Variants in SECISBP2 observed in about 807,000 individuals in gnomAD.
SECISBP2 encodes the protein SECIS binding protein 2.
SECISBP2 carries 96 observed loss-of-function variants against 98.2 expected under a neutral mutation model. That is an observed-to-expected ratio of 0.98 (90% CI 0.83 to 1.16). SECISBP2 has a LOEUF of 1.16. Among genes scored for constraint, SECISBP2 ranks in the 50% most tolerant of loss-of-function variants. The pLI is 0.00. For missense variants in SECISBP2, 1,046 were observed against 1,022.9 expected, an observed-to-expected ratio of 1.02 and a Z score of -0.31; for synonymous variants, 407 against 370.2, an observed-to-expected ratio of 1.10 and a Z score of -1.14.
At position 89,349,853 on chromosome 9, in the gene SECISBP2, C is replaced by T. The variant is rs767332940; in HGVS notation, c.1816C>T (p.Gln606Ter). ...TGAAGAGCCACCAGGCACAGAGCTC[C>T]AGAGGGACACAGAGGCCTCCCACCT... ...KSEEPPGTEL[Q>*]RDTEASHLAP... Residue 606 changes from glutamine to a stop codon, truncating the protein, a stop_gained, in exon 13 of 17, where the codon CAG becomes TAG. Transcript: ENST00000375807. LOFTEE classifies it high-confidence loss of function. The T allele has an allele frequency of 6.2e-7, 1 of 1,614,222 alleles. No homozygotes were observed. The highest frequency in any genetic ancestry group is 1.1e-5 in the South Asian group (1 of 91,078).
rs770595035 is a variant in SECISBP2 at position 89,334,625 on chromosome 9, T to C, written c.984T>C (p.Ile328=). 3.1e-6 allele frequency: 5 copies of C among 1,613,928 alleles called. No homozygotes were observed. The Admixed American group carries it at 8.3e-5, about 27-fold the overall frequency. ...NVTSMINLKT[I]ASSADPKNVS... is the part of the protein sequence containing the mutation. ...CTTCTATGATAAACTTAAAGACCATTGCTTCATCAGCAGATCCTAAAAATG... is the reference window on the plus strand; with the variant it reads ...CTTCTATGATAAACTTAAAGACCATCGCTTCATCAGCAGATCCTAAAAATG... Residue 328 remains isoleucine, a synonymous_variant, in exon 7 of 17, where the codon ATT becomes ATC. Coordinates refer to ENST00000375807, the MANE Select transcript of SECISBP2 (RefSeq NM_024077.5).
rs151326163 is a variant in SECISBP2 at position 89,359,158 on chromosome 9, A to T, written c.*334A>T. On this transcript the variant is annotated 3_prime_UTR_variant, in exon 17 of 17. Transcript: ENST00000375807. Reference sequence around the variant, plus strand: ...GGAAACTTCCTCTCCATTGCAGAATAGCTGAGCCAAGTGAGTGAGTTTGCA... The same window carrying T: ...GGAAACTTCCTCTCCATTGCAGAATTGCTGAGCCAAGTGAGTGAGTTTGCA... 8.3e-5 allele frequency: 29 copies of T among 348,542 alleles called. No homozygotes were observed. The East Asian group carries it at 2.2e-3, about 26-fold the overall frequency. 21.6% of individuals were successfully genotyped at this position (348,542 alleles called of 1,614,324 possible).
rs1826516096 is a variant in SECISBP2, at chr9:89,325,408, G to C, written c.183-19G>C. 20 of 1,612,876 alleles carry C rather than the reference G, an allele frequency of 1.2e-5. No homozygotes were observed. Among genetic ancestry groups the C allele is most frequent in the Non-Finnish European group, 1.6e-5 (19 of 1,179,540 alleles). On this transcript the variant is annotated intron_variant, in intron 2 of 16. Coordinates refer to ENST00000375807, the MANE Select transcript of SECISBP2 (RefSeq NM_024077.5). ...TTGCAGTATGAAATCTGCAACTAAA[G>C]TTTACACTTTTTACTTAGGCAGAAA...
intron 10 of SECISBP2, among the ~76,000 whole-genome samples, chr9:89,342,942 A>AT: frequency 6.6e-6 from 1 of 152,374 alleles, no homozygotes; most frequent in African/African-American, 2.4e-5. Context: ...CAATTAAAAC[A>AT]TTTTTAAGTT....
intron 14 of SECISBP2, among the ~76,000 whole-genome samples, chr9:89,353,913 G>A (rs1831668107): frequency 6.6e-6 from 1 of 152,162 alleles, no homozygotes; most frequent in African/African-American, 2.4e-5. Context: ...AGGCATAAGG[G>A]ACTTGATTGT....
chr9:89,325,122 C>G (rs1773906683), intron 2 of SECISBP2: 1 of 384,032 alleles, frequency 2.6e-6, no homozygotes, highest in Non-Finnish European at 4.8e-6. Context: ...GCCAGGGTTG[C>G]TGGGAGAGGC....
intron 2 of SECISBP2, 120 bp from the exon 3 acceptor site, chr9:89,325,307 C>G (rs1826501463): frequency 1.1e-6 from 1 of 885,336 alleles, no homozygotes; most frequent in African/African-American, 1.7e-5. Flanking sequence ...AGGGATTATT[C>G]CAGTGCTAGA....
chr9:89,325,596 T>A lies in SECISBP2; in HGVS notation c.352T>A (p.Cys118Ser). Residue 118 changes from cysteine (C) to serine (S), a missense_variant, in exon 3 of 17, where the codon TGT becomes AGT. Physicochemically the swap from Cys to Ser is moderately radical, Grantham distance 112. Coordinates refer to ENST00000375807, the MANE Select transcript of SECISBP2 (RefSeq NM_024077.5). The part of the protein sequence containing the change: ...GSQYLYNQPS[C>S]YRGFQTVKHR... ...CCAGTATCTTTATAACCAACCCAGT[T>A]GTTACCGAGGTTTTCAAACAGTGAA... 3 of 1,614,160 alleles carry A rather than the reference T, an allele frequency of 1.9e-6. No individual in the cohort carries two copies. The highest frequency in any genetic ancestry group is 2.2e-5 in the South Asian group (2 of 91,086).
At chr9:89,362,359 CTTG>C (rs777001255), downstream of SECISBP2, 1 of 1,613,890 alleles carries the variant, frequency 6.2e-7, no homozygotes, top group African/African-American at 1.3e-5. Flanking sequence ...GCAGCAGGGT[CTTG>C]TTGGGGTTGA....
the SECISBP2 span, chr9:89,367,004 C>T: frequency 2.0e-5 from 3 of 152,414 alleles, no homozygotes; most frequent in Admixed American, 1.3e-4. Flanking sequence ...AAGCTCTACA[C>T]TCTTGGGGTG....
intron 7 of SECISBP2, among the ~76,000 whole-genome samples, chr9:89,336,862 C>A (rs1186269854): frequency 6.7e-6 from 1 of 149,454 alleles, no homozygotes; most frequent in African/African-American, 2.5e-5. Context: ...ACCTCCGCCT[C>A]CTGGGTTCAA....
intron 2 of SECISBP2, among the ~76,000 whole-genome samples, chr9:89,321,512 C>T (rs549904070): frequency 3.2e-4 from 48 of 151,620 alleles, no homozygotes; most frequent in African/African-American, 9.2e-4. Context: ...TACAGAAATA[C>T]AAAAATTAGC....
intron 9 of SECISBP2, among the ~76,000 whole-genome samples, chr9:89,340,284 C>T (rs542041833): frequency 3.5e-4 from 53 of 152,084 alleles, no homozygotes; most frequent in African/African-American, 1.2e-3. Context: ...ATTTGGGAAA[C>T]GGAAGAATTT....
chr9:89,321,801 T>A (rs922007668), intron 2 of SECISBP2, among the ~76,000 whole-genome samples: 1 of 152,206 alleles, frequency 6.6e-6, no homozygotes, highest in Non-Finnish European at 1.5e-5. Flanking sequence ...AAGGAAAAGA[T>A]CCTTTAAAGT....
intron 7 of SECISBP2, among the ~76,000 whole-genome samples, chr9:89,336,081 C>CTTTTTTTT (rs59799418): frequency 0.032 from 1,049 of 33,058 alleles, 212 homozygotes; most frequent in Admixed American, 0.045. Flanking sequence ...ATTTTAAGTG[C>CTTTTTTTT]TTTTTTTTTT....
intron 1 of SECISBP2, chr9:89,318,832 G>GCGTCCC: frequency 7.9e-7 from 1 of 1,273,542 alleles, no homozygotes; most frequent in Non-Finnish European, 9.9e-7. Flanking sequence ...AGTTAGCGCC[G>GCGTCCC]CGTCTGTGGT....
In SECISBP2 at chr9:89,359,631, G is replaced by GTAAT. The variant is rs1416256564; in HGVS notation, c.*810_*813dup. 2 of 152,072 alleles carry GTAAT rather than the reference G, an allele frequency of 1.3e-5. No homozygotes were observed. Among genetic ancestry groups the GTAAT allele is most frequent in the Non-Finnish European group, 2.9e-5 (2 of 68,020 alleles). 9.4% of individuals were successfully genotyped at this position (152,072 alleles called of 1,614,324 possible). ...AGGGCTTATTTATTTTAAATAAAGA[G>GTAAT]TAATTATTAAATTTTGTTTCAGACT... On this transcript the variant is annotated 3_prime_UTR_variant, in exon 17 of 17. Coordinates refer to ENST00000375807, the MANE Select transcript of SECISBP2 (RefSeq NM_024077.5).
At position 89,347,838 on chromosome 9, in the gene SECISBP2, T is replaced by G. The variant is rs541594942; in HGVS notation, c.1603-241T>G. 1.6e-3 allele frequency among the ~76,000 whole-genome samples: 243 copies of G among 152,224 alleles called. 1 individual carries two copies. Among genetic ancestry groups the G allele is most frequent in the African/African-American group, 5.7e-3 (236 of 41,510 alleles). Reference sequence around the variant, plus strand: ...TCAGGCAAGTGCTGAGCTGCAGAATTGTCTTTAGAGCTCAGGGCTCTCCCC... The same window carrying G: ...TCAGGCAAGTGCTGAGCTGCAGAATGGTCTTTAGAGCTCAGGGCTCTCCCC... On this transcript the variant is annotated intron_variant, in intron 11 of 16. Coordinates refer to ENST00000375807, the MANE Select transcript of SECISBP2 (RefSeq NM_024077.5).
Position 89,346,996 on chromosome 9 carries a change from A to G in SECISBP2, c.1550A>G (p.Lys517Arg). The G allele has an allele frequency of 1.2e-6, 2 of 1,614,204 alleles. No homozygotes were observed. Among genetic ancestry groups the G allele is most frequent in the Non-Finnish European group, 1.7e-6 (2 of 1,180,020 alleles). ...PLDSSAPLMK[K>R]GKQREIPKAK... is the part of the protein sequence containing the mutation. Reference sequence around the variant, plus strand: ...GACTCCAGCGCCCCACTGATGAAGAAAGGGAAGCAGAGGGAGATCCCCAAG... The same window carrying G: ...GACTCCAGCGCCCCACTGATGAAGAGAGGGAAGCAGAGGGAGATCCCCAAG... The change falls in exon 11 of 17, where the codon AAA becomes AGA. Residue 517 changes from lysine (K) to arginine (R), a missense_variant. Lys to Arg is a conservative substitution (Grantham distance 26, BLOSUM62 2). Coordinates refer to ENST00000375807, the MANE Select transcript of SECISBP2 (RefSeq NM_024077.5).
Sources: gnomAD v4.1 joint callset for allele counts (sites outside exome capture counted in the v4.1 genomes callset) on GRCh38, gnomAD v4.1.1 for gene constraint, MANE v1.5 for transcripts, NCBI Gene and HGNC (gene_info 2026-07-23, HGNC 2026-07-21) for gene names.